LRIT1: variants seen among roughly 807,000 people sequenced by gnomAD.
LRIT1 encodes leucine rich repeat, Ig-like and transmembrane domains 1.
LRIT1 carries 23 observed loss-of-function variants against 24.0 expected under a neutral mutation model. The observed-to-expected ratio is 0.96, with a 90% CI of 0.69 to 1.36. The LOEUF is 1.36. LRIT1 is among the 40% of genes most tolerant of loss of function. The pLI, the probability that LRIT1 is intolerant of heterozygous loss-of-function variation, is 0.00. For synonymous variants in LRIT1, 361 were observed against 340.5 expected (o/e 1.06, Z -0.66); for missense variants, 846 against 806.3 (o/e 1.05, Z -0.60).
intron 3 of LRIT1, among the ~76,000 whole-genome samples, chr10:84,233,810 G>T (rs921237036): frequency 6.6e-6 from 1 of 152,186 alleles, no homozygotes; most frequent in Non-Finnish European, 1.5e-5. Context: ...TCAGCTTTTT[G>T]TTCTCTCAGG....
chr10:84,234,447 C>T, intron 2 of LRIT1, 69 bp from the exon 3 acceptor site: 1 of 1,300,654 alleles, frequency 7.7e-7, no homozygotes, highest in Non-Finnish European at 1.0e-6. Context: ...AGCACCCCTT[C>T]CCCTCTGGAA....
In LRIT1 at chr10:84,232,713, C is replaced by T. The variant is rs1052410758; in HGVS notation, c.1086G>A (p.Trp362Ter). ...TEHSGSPGAL[W>*]ARTGGGGEAA... Reference sequence around the variant, plus strand: ...CTTCCCCTCCGCCACCTGTCCTTGCCCATAGTGCTCCTGGGCTCCCACTGT... The same window carrying T: ...CTTCCCCTCCGCCACCTGTCCTTGCTCATAGTGCTCCTGGGCTCCCACTGT... Residue 362 changes from tryptophan (W) to a stop codon, truncating the protein, a stop_gained, in exon 4 of 4, where the codon TGG becomes TGA. Coordinates refer to ENST00000372105, the MANE Select transcript of LRIT1 (RefSeq NM_015613.3). LOFTEE classifies it low-confidence loss of function (END_TRUNC). 1.2e-6 allele frequency: 2 copies of T among 1,613,828 alleles called. No homozygotes were observed. Among genetic ancestry groups the T allele is most frequent in the Admixed American group, 1.7e-5 (1 of 59,964 alleles).
At chr10:84,235,272 G>C (rs1842638745) in intron 2 of LRIT1, among the ~76,000 whole-genome samples, 1 of 152,108 alleles carries the variant, frequency 6.6e-6, no homozygotes, top group Non-Finnish European at 1.5e-5. Context: ...ATGTCTCTCA[G>C]GTCTCTTTGA....
rs556348330 is a variant in LRIT1 at position 84,237,008 on chromosome 10, T to C, written c.589+212A>G. On this transcript the variant is annotated intron_variant, in intron 2 of 3. Transcript: ENST00000372105. Reference sequence around the variant, plus strand: ...TTGAGTCTCAGGGGCCTTCTCCTGGTTGTATGACCTGGAAAGACCTCTCTT... The same window carrying C: ...TTGAGTCTCAGGGGCCTTCTCCTGGCTGTATGACCTGGAAAGACCTCTCTT... Among the ~76,000 whole-genome samples the C allele has an allele frequency of 1.5e-3, 225 of 152,214 alleles. 1 individual carries two copies. Among genetic ancestry groups the C allele is most frequent in the African/African-American group, 5.4e-3 (224 of 41,542 alleles).
Position 84,237,542 on chromosome 10 carries a change from C to A in LRIT1, c.267G>T (p.Trp89Cys). The change falls in exon 2 of 4, where the codon TGG becomes TGT. Residue 89 changes from tryptophan to cysteine, a missense_variant. Physicochemically the swap from Trp to Cys is radical, Grantham distance 215. Transcript: ENST00000372105. ...GCTCGCTGAGGGCGTTGTAAGGCAGCCACAGCTGCTCCAGGCGGCCCAGGG... is the reference window on the plus strand; with the variant it reads ...GCTCGCTGAGGGCGTTGTAAGGCAGACACAGCTGCTCCAGGCGGCCCAGGG... The part of the protein sequence containing the change: ...FRPLGRLEQL[W>C]LPYNALSELN... The A allele has an allele frequency of 6.2e-7, 1 of 1,605,730 alleles. No individual in the cohort carries two copies. The highest frequency in any genetic ancestry group is 2.2e-5 in the East Asian group (1 of 44,848).
Position 84,237,431 on chromosome 10 carries a change from C to T in LRIT1, c.378G>A (p.Ala126=). Residue 126 remains alanine (A), a synonymous_variant, in exon 2 of 4, where the codon GCG becomes GCA. Coordinates refer to ENST00000372105, the MANE Select transcript of LRIT1 (RefSeq NM_015613.3). ...GCCGCAGCTTGGGGGCGTCCCTGAG[C>T]GCCGCCCAGGGGAAGGCGGCCAGGC... ...GNRLAAFPWA[A]LRDAPKLRLL... 1.9e-6 allele frequency: 3 copies of T among 1,547,970 alleles called. No homozygotes were observed. Among genetic ancestry groups the T allele is most frequent in the Non-Finnish European group, 2.6e-6 (3 of 1,148,484 alleles).
Position 84,237,539 on chromosome 10 carries a change from C to T in LRIT1, c.270G>A (p.Leu90=). The change falls in exon 2 of 4, where the codon CTG becomes CTA. Residue 90 remains leucine, a synonymous_variant. Transcript: ENST00000372105. ...TGAGCTCGCTGAGGGCGTTGTAAGGCAGCCACAGCTGCTCCAGGCGGCCCA... is the reference window on the plus strand; with the variant it reads ...TGAGCTCGCTGAGGGCGTTGTAAGGTAGCCACAGCTGCTCCAGGCGGCCCA... ...RPLGRLEQLW[L]PYNALSELNA... is the part of the protein sequence containing the mutation. The T allele has an allele frequency of 6.2e-7, 1 of 1,605,616 alleles. No individual in the cohort carries two copies. The highest frequency in any genetic ancestry group is 8.5e-7 in the Non-Finnish European group (1 of 1,179,568).
At chr10:84,240,344 T>C (rs1010787384) in intron 1 of LRIT1, among the ~76,000 whole-genome samples, 6 of 152,208 alleles carry the variant, frequency 3.9e-5, no homozygotes, top group Non-Finnish European at 8.8e-5. Flanking sequence ...CTCATTCTGG[T>C]TCTCAGATCA....
In LRIT1 at chr10:84,237,555, A is replaced by C; in HGVS notation, c.254T>G (p.Leu85Arg). Residue 85 changes from leucine to arginine, a missense_variant, in exon 2 of 4, where the codon CTG becomes CGG. Physicochemically the swap from Leu to Arg is moderately radical, Grantham distance 102. Transcript: ENST00000372105. ...PGEAFRPLGRLEQLWLPYNAL... is the reference protein window; with the variant it reads ...PGEAFRPLGRREQLWLPYNAL... ...GTTGTAAGGCAGCCACAGCTGCTCC[A>C]GGCGGCCCAGGGGCCTGAAGGCCTC... 1 of 1,606,046 alleles carries C rather than the reference A, an allele frequency of 6.2e-7. No individual in the cohort carries two copies. The highest frequency in any genetic ancestry group is 8.5e-7 in the Non-Finnish European group (1 of 1,179,724).
At chr10:84,240,518 A>G (rs931507943) in intron 1 of LRIT1, among the ~76,000 whole-genome samples, 2 of 152,234 alleles carry the variant, frequency 1.3e-5, no homozygotes, top group African/African-American at 4.8e-5. Flanking sequence ...TTAATGGATA[A>G]GCTAAAGAAG....
At chr10:84,239,086 CT>C (rs1842674086) in intron 1 of LRIT1, among the ~76,000 whole-genome samples, 1 of 152,172 alleles carries the variant, frequency 6.6e-6, no homozygotes, top group African/African-American at 2.4e-5. Flanking sequence ...GGCAGCTGGG[CT>C]GGGCTTGTTT....
rs1472752034 is a variant in LRIT1 at position 84,232,060 on chromosome 10, C to T, written c.1739G>A (p.Ser580Asn). The T allele has an allele frequency of 1.9e-6, 3 of 1,614,204 alleles. No individual in the cohort carries two copies. Among genetic ancestry groups the T allele is most frequent in the Non-Finnish European group, 2.5e-6 (3 of 1,180,030 alleles). ...TYVNLERLGY[S>N]EDGLEELSRH... Reference sequence around the variant, plus strand: ...GGACAGCTCCTCCAAGCCGTCCTCGCTGTAGCCCAGTCTCTCTAGGTTGAC... The same window carrying T: ...GGACAGCTCCTCCAAGCCGTCCTCGTTGTAGCCCAGTCTCTCTAGGTTGAC... The change falls in exon 4 of 4, where the codon AGC (serine) becomes AAC (asparagine). Residue 580 changes from serine (S) to asparagine (N), a missense_variant. Physicochemically the swap from Ser to Asn is conservative, Grantham distance 46. Coordinates refer to ENST00000372105, the MANE Select transcript of LRIT1 (RefSeq NM_015613.3).
In LRIT1 at chr10:84,232,288, AC is replaced by A; in HGVS notation, c.1510del (p.Val504CysfsTer29). ...YVACVCVQGL[V>X]PRKEQCVIFS... ...AATAACACACTGCTCCTTCCGGGGC[AC>A]CAGGCCCTGCACACAGACACACGCC... On this transcript the variant is annotated frameshift_variant, in exon 4 of 4. Transcript: ENST00000372105. LOFTEE classifies it high-confidence loss of function. The A allele has an allele frequency of 6.2e-7, 1 of 1,614,058 alleles. No homozygotes were observed. The highest frequency in any genetic ancestry group is 8.5e-7 in the Non-Finnish European group (1 of 1,179,994).
Position 84,241,342 on chromosome 10 carries a change from A to G in LRIT1, c.98T>C (p.Ile33Thr). Residue 33 changes from isoleucine to threonine, a missense_variant, in exon 1 of 4, where the codon ATC becomes ACC. Coordinates refer to ENST00000372105, the MANE Select transcript of LRIT1 (RefSeq NM_015613.3). ...CPSQCSCSLH[I>T]MGDGSKARTV... ...CCTGGCCTTGCTGCCATCACCCATG[A>G]TATGGAGGCTGCAGCTGCATTGAGA... 6.2e-7 allele frequency: 1 copy of G among 1,613,784 alleles called. No homozygotes were observed. The highest frequency in any genetic ancestry group is 8.5e-7 in the Non-Finnish European group (1 of 1,179,918).
chr10:84,235,835 T>G (rs1401116530), intron 2 of LRIT1, among the ~76,000 whole-genome samples: 1 of 151,954 alleles, frequency 6.6e-6, no homozygotes. Context: ...GGTCTCAAAC[T>G]CCTGACTGCA....
chr10:84,238,758 G>A (rs2132867931), intron 1 of LRIT1, among the ~76,000 whole-genome samples: 2 of 152,342 alleles, frequency 1.3e-5, no homozygotes, highest in Non-Finnish European at 2.9e-5. Context: ...AGCACTGCAA[G>A]TAGATCGGGT....
chr10:84,241,472 C>T lies in LRIT1; in HGVS notation c.-33G>A, dbSNP rs146724858. 9 of 1,502,746 alleles carry T rather than the reference C, an allele frequency of 6.0e-6. No individual in the cohort carries two copies. In the African/African-American group the frequency reaches 1.3e-4, roughly 22 times the overall value. The allele number at this position is 1,502,746 out of a possible 1,614,324, so 93.1% of individuals were successfully genotyped here. ...GGCTCCTCTCTGGCCCAGGCAGGGG[C>T]CTGTCCCTGGACCGCTCCGTCCCAC... On this transcript the variant is annotated 5_prime_UTR_variant, in exon 1 of 4. Transcript: ENST00000372105.
intron 2 of LRIT1, among the ~76,000 whole-genome samples, chr10:84,236,930 T>G (rs548776825): frequency 6.6e-6 from 1 of 152,066 alleles, no homozygotes; most frequent in Non-Finnish European, 1.5e-5. Context: ...ACCGAAAAAA[T>G]AGCAGGTCCA....
intron 2 of LRIT1, among the ~76,000 whole-genome samples, chr10:84,235,872 A>G (rs1418380799): frequency 6.6e-6 from 1 of 151,074 alleles, no homozygotes; most frequent in East Asian, 2.0e-4. Context: ...CGGCCTCCCA[A>G]AGTGCTGGGG....
Sources: gnomAD v4.1 joint callset for allele counts (sites outside exome capture counted in the v4.1 genomes callset) on GRCh38, gnomAD v4.1.1 for gene constraint, MANE v1.5 for transcripts, NCBI Gene and HGNC (gene_info 2026-07-23, HGNC 2026-07-21) for gene names.